The following ZNF654 variants were observed in gnomAD, a reference collection of about 807,000 sequenced individuals.
ZNF654 encodes the protein melanoma-associated antigen.
ZNF654 carries 19 observed loss-of-function variants against 95.3 expected under a neutral mutation model. The observed-to-expected ratio is 0.20, with a 90% CI of 0.14 to 0.29. The LOEUF (loss-of-function observed/expected upper bound fraction) is 0.29, where lower values mean the gene tolerates loss of function less well. ZNF654 is among the 10% of genes least tolerant of loss of function. The probability of loss-of-function intolerance (pLI) is 1.00; values close to 1 mark genes in which losing one functional copy is unlikely to be tolerated. For missense variants in ZNF654, 1,046 were observed against 1,341.0 expected, an observed-to-expected ratio of 0.78 and a Z score of 3.44; for synonymous variants, 413 against 457.9, an observed-to-expected ratio of 0.90 and a Z score of 1.25.
chr3:88,141,001 C>T lies in ZNF654; in HGVS notation c.3332C>T (p.Ala1111Val), dbSNP rs1222883855. Residue 1111 changes from alanine (A) to valine (V), a missense_variant, in exon 8 of 9, where the codon GCA (alanine) becomes GTA (valine). By Grantham distance (64) the Ala-to-Val change is moderately conservative (BLOSUM62 0). Around this residue, in one of 9 missense-constraint regions of ZNF654, gnomAD observed 59 missense variants for 73.0 expected, o/e 0.81. Coordinates refer to ENST00000636215, the MANE Select transcript of ZNF654 (RefSeq NM_001350134.2). ...GCAGAAGCACTTGAGGCTCATCTTGCACAAAAGAAATGTCAGACACTCTTT... is the reference window on the plus strand; with the variant it reads ...GCAGAAGCACTTGAGGCTCATCTTGTACAAAAGAAATGTCAGACACTCTTT... ...CNAEALEAHL[A>V]QKKCQTLFGF... 3 of 1,611,266 alleles carry T rather than the reference C, an allele frequency of 1.9e-6. No homozygotes were observed. The highest frequency in any genetic ancestry group is 2.5e-6 in the Non-Finnish European group (3 of 1,178,774).
In ZNF654 at chr3:88,059,350, G is replaced by C. The variant is rs1287680147; in HGVS notation, c.31G>C (p.Glu11Gln). ...GGAGGAAGAGAGCGACCAAGAGGCC[G>C]AACGCCTCGGAGAAGAGCTTGTGGC... The part of the protein sequence containing the change: MAEEESDQEA[E>Q]RLGEELVAIV... Residue 11 changes from glutamate (E) to glutamine (Q), a missense_variant, in exon 1 of 9, where the codon GAA (glutamate) becomes CAA (glutamine). Physicochemically the swap from Glu to Gln is conservative, Grantham distance 29 (BLOSUM62 2). Coordinates refer to ENST00000636215, the MANE Select transcript of ZNF654 (RefSeq NM_001350134.2). The C allele has an allele frequency of 6.5e-7, 1 of 1,534,822 alleles. No individual in the cohort carries two copies. Among genetic ancestry groups the C allele is most frequent in the East Asian group, 2.4e-5 (1 of 40,890 alleles).
chr3:88,107,509 G>C (rs1426080070), intron 2 of ZNF654, among the ~76,000 whole-genome samples: 1 of 151,894 alleles, frequency 6.6e-6, no homozygotes, highest in Admixed American at 6.6e-5. Context: ...CATTTTCTGG[G>C]CTCTCCTGAA....
At chr3:88,088,745 T>C (rs1708468544) in intron 2 of ZNF654, among the ~76,000 whole-genome samples, 1 of 79,526 alleles carries the variant, frequency 1.3e-5, no homozygotes, top group Admixed American at 1.1e-4. Context: ...AACCTTTATT[T>C]ATGTATGTAT....
chr3:88,121,608 G>T (rs1705771861), intron 3 of ZNF654, among the ~76,000 whole-genome samples: 1 of 152,048 alleles, frequency 6.6e-6, no homozygotes, highest in South Asian at 2.1e-4. Flanking sequence ...TTGCCTTTTT[G>T]TAAAGGAAAA....
intron 7 of ZNF654, among the ~76,000 whole-genome samples, chr3:88,138,200 T>G (rs1269725510): frequency 1.3e-5 from 2 of 152,194 alleles, no homozygotes; most frequent in African/African-American, 4.8e-5. Context: ...ATAAATAACA[T>G]TACTTAATAA....
intron 2 of ZNF654, among the ~76,000 whole-genome samples, chr3:88,101,831 T>A (rs1276889539): frequency 6.6e-6 from 1 of 152,180 alleles, no homozygotes; most frequent in Non-Finnish European, 1.5e-5. Flanking sequence ...ATACTTTTTA[T>A]CTTTTTCATA....
intron 1 of ZNF654, among the ~76,000 whole-genome samples, chr3:88,060,064 C>T (rs1706772764): frequency 6.6e-6 from 1 of 152,090 alleles, no homozygotes; most frequent in Admixed American, 6.5e-5. Context: ...CGCTGACCCA[C>T]GGTGATTTAG....
At chr3:88,060,078 C>G (rs535993228) in intron 1 of ZNF654, among the ~76,000 whole-genome samples, 4 of 152,184 alleles carry the variant, frequency 2.6e-5, no homozygotes, top group African/African-American at 9.6e-5. Context: ...GATTTAGTTA[C>G]TTTTTTCGGA....
intron 3 of ZNF654, among the ~76,000 whole-genome samples, chr3:88,113,773 G>A (rs915476476): frequency 6.6e-6 from 1 of 151,406 alleles, no homozygotes; most frequent in African/African-American, 2.4e-5. Context: ...CCCCCTAGGG[G>A]TGAAGTGTCC....
At chr3:88,102,039 C>T (rs972201534) in intron 2 of ZNF654, among the ~76,000 whole-genome samples, 8 of 151,628 alleles carry the variant, frequency 5.3e-5, no homozygotes, top group African/African-American at 1.9e-4. Context: ...TTTATGTATT[C>T]TGGATATACA....
intron 2 of ZNF654, among the ~76,000 whole-genome samples, chr3:88,107,626 C>T (rs1014723720): frequency 6.6e-6 from 1 of 152,060 alleles, no homozygotes; most frequent in African/African-American, 2.4e-5. Context: ...ATGTATACTC[C>T]ACCTCTGTGT....
chr3:88,136,351 G>A (rs1241737715), intron 7 of ZNF654, among the ~76,000 whole-genome samples: 1 of 152,078 alleles, frequency 6.6e-6, no homozygotes, highest in Admixed American at 6.6e-5. Flanking sequence ...ATTCAAAGAT[G>A]AAATAAGAAT....
At chr3:88,079,978 A>T (rs1707998492) in intron 1 of ZNF654, among the ~76,000 whole-genome samples, 1 of 151,968 alleles carries the variant, frequency 6.6e-6, no homozygotes, top group Admixed American at 6.6e-5. Flanking sequence ...TGACTTTTAG[A>T]TTTCCATTAC....
At chr3:88,089,406 A>T (rs1249684954) in intron 2 of ZNF654, among the ~76,000 whole-genome samples, 3 of 151,686 alleles carry the variant, frequency 2.0e-5, no homozygotes, top group Non-Finnish European at 4.4e-5. Context: ...CAGGAGAATC[A>T]CTTGAACCCA....
intron 1 of ZNF654, among the ~76,000 whole-genome samples, chr3:88,076,033 A>G (rs1490828495): frequency 1.3e-5 from 2 of 152,334 alleles, no homozygotes; most frequent in East Asian, 1.9e-4. Context: ...TTATGGCACA[A>G]TGCCATACTG....
At chr3:88,088,761 T>TGGATGGATGG (rs1559701696) in intron 2 of ZNF654, among the ~76,000 whole-genome samples, 133 of 126,480 alleles carry the variant, frequency 1.1e-3, no homozygotes, top group South Asian at 4.2e-3. Context: ...TGTATGTATG[T>TGGATGGATGG]ATGGATGGAT....
At chr3:88,062,103 C>T (rs1164755771) in intron 1 of ZNF654, among the ~76,000 whole-genome samples, 1 of 152,166 alleles carries the variant, frequency 6.6e-6, no homozygotes, top group African/African-American at 2.4e-5. Flanking sequence ...GGCCCTATCA[C>T]ATCCTCCCTT....
At chr3:88,127,931 G>GA (rs1706217602) in intron 4 of ZNF654, among the ~76,000 whole-genome samples, 1 of 152,142 alleles carries the variant, frequency 6.6e-6, no homozygotes, top group Non-Finnish European at 1.5e-5. Context: ...ATTGTAAACA[G>GA]AATTGCAAGA....
intron 2 of ZNF654, among the ~76,000 whole-genome samples, chr3:88,108,779 A>G (rs552414348): frequency 6.6e-6 from 1 of 152,272 alleles, no homozygotes. Flanking sequence ...TATATGCCAA[A>G]GAAAAGCTGT....
Sources: allele counts gnomAD v4.1 joint callset (sites outside exome capture counted in the v4.1 genomes callset), GRCh38; gene constraint gnomAD v4.1.1; regional missense constraint gnomAD v4.1.1; transcripts MANE v1.5; gene names NCBI Gene and HGNC (gene_info 2026-07-23, HGNC 2026-07-21).